The following ADPRHL1 variants were observed in gnomAD, a reference collection of about 807,000 sequenced individuals.
ADPRHL1 encodes ADP-ribosylhydrolase like 1.
A neutral mutation model predicts 44.1 loss-of-function variants in ADPRHL1; 43 were observed. The ratio of observed to expected loss-of-function variants is 0.98; its 90% CI spans 0.76 to 1.26. The LOEUF (loss-of-function observed/expected upper bound fraction) is 1.26, where lower values mean the gene tolerates loss of function less well. Ranked by LOEUF, ADPRHL1 falls within the 50% of genes most tolerant of loss-of-function variation. The pLI, the probability that ADPRHL1 is intolerant of heterozygous loss-of-function variation, is 0.00. For missense variants in ADPRHL1, 2,022 were observed against 2,496.9 expected, an observed-to-expected ratio of 0.81 and a Z score of 4.05; for synonymous variants, 878 against 1,017.4, an observed-to-expected ratio of 0.86 and a Z score of 2.61.
chr13:113,404,628 C>T lies in ADPRHL1; in HGVS notation c.4654G>A (p.Ala1552Thr), dbSNP rs184423615. Residue 1552 changes from alanine to threonine, a missense_variant, in exon 8 of 8, where the codon GCT becomes ACT. By Grantham distance (58) the Ala-to-Thr change is moderately conservative. Coordinates refer to ENST00000612156, the MANE Select transcript of ADPRHL1 (RefSeq NM_001394807.1). ...GTCTGCCACTGGGCCTGTTCTTGAG[C>T]GTGTCCCTGAGCCTGTCCCTGGGCC... ...NWAQGQAQGH[A>T]QEQAQWQTQI... 1.3e-3 allele frequency: 1,722 copies of T among 1,305,996 alleles called. 13 individuals are homozygous for T. In the African/African-American group the frequency reaches 0.016, roughly 12 times the overall value. The allele number at this position is 1,305,996 out of a possible 1,614,324, so 80.9% of individuals were successfully genotyped here. A position where few individuals can be genotyped will look rare whatever the true frequency, so the allele number is the denominator to read the frequency against.
chr13:113,414,286 C>T (rs769915535), intron 7 of ADPRHL1, among the ~76,000 whole-genome samples: 38 of 152,238 alleles, frequency 2.5e-4, no homozygotes, highest in African/African-American at 9.2e-4. Context: ...TGGATGCCCT[C>T]GGCCAACAGC....
In ADPRHL1 at chr13:113,407,244, G is replaced by T; in HGVS notation, c.2038C>A (p.Gln680Lys). 8.1e-7 allele frequency: 1 copy of T among 1,232,148 alleles called. No homozygotes were observed. The highest frequency in any genetic ancestry group is 1.0e-6 in the Non-Finnish European group (1 of 988,116). The allele number at this position is 1,232,148 out of a possible 1,614,324, so 76.3% of individuals were successfully genotyped here. The change falls in exon 8 of 8, where the codon CAA (glutamine) becomes AAA (lysine). Residue 680 changes from glutamine (Q) to lysine (K), a missense_variant. By Grantham distance (53) the Gln-to-Lys change is moderately conservative. This residue lies in a region of ADPRHL1 where 1,221 missense variants were observed against 1,517.8 expected (regional missense o/e 0.80). Transcript: ENST00000612156. Reference sequence around the variant, plus strand: ...GGCTTCGAGGGCCTTGGCTGTCTTTGGGGCTCCTCCTCCAGGGGCCCCTTT... The same window carrying T: ...GGCTTCGAGGGCCTTGGCTGTCTTTTGGGCTCCTCCTCCAGGGGCCCCTTT... Reference protein sequence around the residue: ...VGKGPLEEEPQRQPRPSKPVT... With the variant: ...VGKGPLEEEPKRQPRPSKPVT...
intron 2 of ADPRHL1, among the ~76,000 whole-genome samples, chr13:113,438,616 C>T (rs1208809605): frequency 2.6e-5 from 4 of 152,156 alleles, no homozygotes; most frequent in Non-Finnish European, 4.4e-5. Flanking sequence ...ATTGCTTGAA[C>T]CCAGGAGGTA....
At position 113,408,059 on chromosome 13, in the gene ADPRHL1, G is replaced by A; in HGVS notation, c.1223C>T (p.Ala408Val). Residue 408 changes from alanine (A) to valine (V), a missense_variant, in exon 8 of 8, where the codon GCC becomes GTC. By Grantham distance (64) the Ala-to-Val change is moderately conservative. Transcript: ENST00000612156. Reference protein sequence around the residue: ...GRADRPPGTEAGGSRPSHQPQ... With the variant: ...GRADRPPGTEVGGSRPSHQPQ... ...CTGGTGGCTGGGCCTGCTCCCCCCGGCCTCTGTCCCCGGGGGCCGGTCTGC... is the reference window on the plus strand; with the variant it reads ...CTGGTGGCTGGGCCTGCTCCCCCCGACCTCTGTCCCCGGGGGCCGGTCTGC... 8.1e-7 allele frequency: 1 copy of A among 1,232,164 alleles called. No individual in the cohort carries two copies. Among genetic ancestry groups the A allele is most frequent in the Non-Finnish European group, 1.0e-6 (1 of 988,068 alleles). 76.3% of individuals were successfully genotyped at this position (1,232,164 alleles called of 1,614,324 possible).
At chr13:113,423,175 T>C (rs947413468) in intron 6 of ADPRHL1, among the ~76,000 whole-genome samples, 196 bp from the exon 7 acceptor site, 1 of 151,976 alleles carries the variant, frequency 6.6e-6, no homozygotes, top group African/African-American at 2.4e-5. Context: ...GAGAATCTCT[T>C]GAACCCGGGA....
At position 113,422,844 on chromosome 13, in the gene ADPRHL1, C is replaced by T. The variant is rs377172623; in HGVS notation, c.1043G>A (p.Arg348His). 1.2e-5 allele frequency: 19 copies of T among 1,612,774 alleles called. No individual in the cohort carries two copies. The highest frequency in any genetic ancestry group is 3.3e-5 in the South Asian group (3 of 91,088). The part of the protein sequence containing the change: ...KLEDLGAALY[R>H]LSTEENRKSS... ...GCTTTACTTCTCCTCTGTGGACAGG[C>T]GGTAGAGAGCCGCGCCCAGGTCCTC... The change falls in exon 7 of 8, where the codon CGC becomes CAC. Residue 348 changes from arginine (R) to histidine (H), a missense_variant. By Grantham distance (29) the Arg-to-His change is conservative. Transcript: ENST00000612156.
chr13:113,429,929 A>G (rs889584994), intron 3 of ADPRHL1, among the ~76,000 whole-genome samples: 1 of 152,240 alleles, frequency 6.6e-6, no homozygotes, highest in East Asian at 1.9e-4. Context: ...TGAAAAATAA[A>G]TGCATGCGAG....
chr13:113,422,685 CAG>C lies in ADPRHL1; in HGVS notation c.1061+139_1061+140del, dbSNP rs1262376131. On this transcript the variant is annotated intron_variant, in intron 7 of 7. Coordinates refer to ENST00000612156, the MANE Select transcript of ADPRHL1 (RefSeq NM_001394807.1). The stretch of plus-strand genomic sequence containing the variant: ...ACAGTTAGGATTCTGAAATTGGAAA[CAG>C]AGAGTTAGATGTGGCCAGTCAGGCA... The C allele has an allele frequency of 1.3e-5, 13 of 1,033,480 alleles. No homozygotes were observed. In the Admixed American group the frequency reaches 3.0e-4, roughly 24 times the overall value. 64.0% of individuals were successfully genotyped at this position (1,033,480 alleles called of 1,614,324 possible). A position where few individuals can be genotyped will look rare whatever the true frequency, so the allele number is the denominator to read the frequency against.
intron 7 of ADPRHL1, 61 bp downstream of exon 7, chr13:113,422,765 G>A: frequency 6.3e-7 from 1 of 1,599,964 alleles, no homozygotes; most frequent in Non-Finnish European, 8.5e-7. Flanking sequence ...CTGCGAGAGG[G>A]CCCTACGGGC....
intron 7 of ADPRHL1, among the ~76,000 whole-genome samples, chr13:113,412,474 A>C (rs991050819): frequency 6.6e-6 from 1 of 152,218 alleles, no homozygotes; most frequent in Admixed American, 6.5e-5. Context: ...CACCGCGCCC[A>C]GCCACAGCTC....
rs560018796 is a variant in ADPRHL1 at position 113,407,126 on chromosome 13, C to T, written c.2156G>A (p.Gly719Asp). The T allele has an allele frequency of 8.1e-7, 1 of 1,232,278 alleles. No individual in the cohort carries two copies. Among genetic ancestry groups the T allele is most frequent in the African/African-American group, 1.5e-5 (1 of 64,560 alleles). 76.3% of individuals were successfully genotyped at this position (1,232,278 alleles called of 1,614,324 possible). ...CAPCTGGVLP[G>D]LVPASSPLGP... ...CAGTGGGGATGATGCAGGCACAAGG[C>T]CAGGAAGGACTCCACCTGTGCAGGG... is the stretch of plus-strand genomic sequence containing the variant. The change falls in exon 8 of 8, where the codon GGC becomes GAC. Residue 719 changes from glycine (G) to aspartate (D), a missense_variant. Gly to Asp is a moderately conservative substitution (Grantham distance 94, BLOSUM62 -1). This residue lies in a region of ADPRHL1 where 1,221 missense variants were observed against 1,517.8 expected (regional missense o/e 0.80). Coordinates refer to ENST00000612156, the MANE Select transcript of ADPRHL1 (RefSeq NM_001394807.1).
intron 1 of ADPRHL1, among the ~76,000 whole-genome samples, chr13:113,450,677 CAGAG>C (rs768258275): frequency 9.9e-5 from 15 of 152,226 alleles, no homozygotes; most frequent in South Asian, 4.1e-4. Context: ...GGAGAGGAGA[CAGAG>C]AGAAAGACAG....
intron 1 of ADPRHL1, 81 bp from the exon 2 acceptor site, chr13:113,444,670 A>T: frequency 6.7e-7 from 1 of 1,500,210 alleles, no homozygotes; most frequent in Non-Finnish European, 9.1e-7. Flanking sequence ...CAGGCACCAT[A>T]GTCTGGGGAA....
chr13:113,430,492 G>T (rs2043999037), intron 3 of ADPRHL1, among the ~76,000 whole-genome samples: 1 of 152,180 alleles, frequency 6.6e-6, no homozygotes, highest in Non-Finnish European at 1.5e-5. Flanking sequence ...GACGGCCGTG[G>T]TGACAGTACC....
intron 7 of ADPRHL1, among the ~76,000 whole-genome samples, chr13:113,418,191 T>TA (rs1229910791): frequency 5.3e-5 from 8 of 152,144 alleles, no homozygotes; most frequent in Admixed American, 4.6e-4. Context: ...CCCTGAATCT[T>TA]AGTTTCCTTG....
intron 7 of ADPRHL1, among the ~76,000 whole-genome samples, chr13:113,410,435 A>C (rs560928600): frequency 6.6e-4 from 100 of 152,318 alleles, no homozygotes; most frequent in African/African-American, 2.2e-3. Context: ...GGAACCACTG[A>C]GGCAGACGGC....
At chr13:113,411,411 A>T (rs1049279485) in intron 7 of ADPRHL1, among the ~76,000 whole-genome samples, 15 of 152,240 alleles carry the variant, frequency 9.9e-5, no homozygotes, top group Admixed American at 5.9e-4. Flanking sequence ...GACTAGCTGC[A>T]TGTCCTCCTT....
intron 7 of ADPRHL1, chr13:113,422,604 T>C (rs770620322): frequency 1.6e-6 from 1 of 631,842 alleles, no homozygotes. Flanking sequence ...GCAGTGTCAA[T>C]GTTGATGGTG....
At position 113,406,683 on chromosome 13, in the gene ADPRHL1, C is replaced by T; in HGVS notation, c.2599G>A (p.Glu867Lys). Residue 867 changes from glutamate to lysine, a missense_variant, in exon 8 of 8, where the codon GAA (glutamate) becomes AAA (lysine). Physicochemically the swap from Glu to Lys is moderately conservative, Grantham distance 56 (BLOSUM62 1). This residue lies in a region of ADPRHL1 where 1,221 missense variants were observed against 1,517.8 expected (regional missense o/e 0.80). Coordinates refer to ENST00000612156, the MANE Select transcript of ADPRHL1 (RefSeq NM_001394807.1). ...PTRLQNMSSGENKPCICGGEN... is the reference protein window; with the variant it reads ...PTRLQNMSSGKNKPCICGGEN... ...CCTCCACAAATACAAGGTTTGTTTTCACCACTTGACATATTTTGCAGCCTG... is the reference window on the plus strand; with the variant it reads ...CCTCCACAAATACAAGGTTTGTTTTTACCACTTGACATATTTTGCAGCCTG... The T allele has an allele frequency of 2.4e-6, 3 of 1,231,662 alleles. No homozygotes were observed. Among genetic ancestry groups the T allele is most frequent in the Middle Eastern group, 3.1e-4 (1 of 3,230 alleles). The allele number at this position is 1,231,662 out of a possible 1,614,324, so 76.3% of individuals were successfully genotyped here.
Sources: allele counts gnomAD v4.1 joint callset (sites outside exome capture counted in the v4.1 genomes callset), GRCh38; gene constraint gnomAD v4.1.1; regional missense constraint gnomAD v4.1.1; transcripts MANE v1.5; gene names NCBI Gene and HGNC (gene_info 2026-07-23, HGNC 2026-07-21).